Variants in IGSF21 observed in about 807,000 individuals in gnomAD.
IGSF21 encodes immunoglobin superfamily member 21, also known as immunoglobulin superfamily member 21.
A neutral mutation model predicts 46.8 loss-of-function variants in IGSF21; 28 were observed. The observed-to-expected ratio is 0.60, with a 90% CI of 0.44 to 0.82. The LOEUF (loss-of-function observed/expected upper bound fraction) is 0.82, where lower values mean the gene tolerates loss of function less well. Ranked by LOEUF, IGSF21 falls within the 40% of genes least tolerant of loss-of-function variation. IGSF21 has a pLI of 0.00. For missense variants in IGSF21, 624 were observed against 665.5 expected (o/e 0.94, Z 0.69); for synonymous variants, 284 against 273.6 (o/e 1.04, Z -0.38).
At chr1:18,374,453 G>A (rs982519711) in intron 6 of IGSF21, among the ~76,000 whole-genome samples, 14 of 152,132 alleles carry the variant, frequency 9.2e-5, no homozygotes, top group African/African-American at 1.7e-4. Flanking sequence ...TTGGGAATGC[G>A]AAGGGGAGCC....
chr1:18,315,286 C>T (rs543171708), intron 3 of IGSF21, among the ~76,000 whole-genome samples: 14 of 152,258 alleles, frequency 9.2e-5, no homozygotes, highest in South Asian at 6.2e-4. Context: ...CTTTTCCTGA[C>T]GTTCTAGTAT....
At chr1:18,151,341 T>A (rs547613253) in intron 1 of IGSF21, among the ~76,000 whole-genome samples, 4 of 152,198 alleles carry the variant, frequency 2.6e-5, no homozygotes, top group Non-Finnish European at 5.9e-5. Context: ...AGCACTCACA[T>A]CCAGGCAATG....
At chr1:18,338,205 C>T (rs1283601815) in intron 4 of IGSF21, among the ~76,000 whole-genome samples, 1 of 152,172 alleles carries the variant, frequency 6.6e-6, no homozygotes, top group Non-Finnish European at 1.5e-5. Flanking sequence ...AATAGTATCT[C>T]TTAATGACAA....
Position 18,378,046 on chromosome 1 carries a change from G to A in IGSF21, c.1334-210G>A, listed in dbSNP as rs1394796064. Among the ~76,000 whole-genome samples, 10 of 152,166 alleles carry A rather than the reference G, an allele frequency of 6.6e-5. No homozygotes were observed. The South Asian group carries it at 1.9e-3, about 28-fold the overall frequency. ...TGGTCCTCACTGCACCATCCTCATG[G>A]CCTCTAGGAAATCTGACCGTAGCCC... On this transcript the variant is annotated intron_variant, in intron 9 of 9. Transcript: ENST00000251296.
In IGSF21 at chr1:18,235,627, G is replaced by A. The variant is rs574505180; in HGVS notation, c.183+7617G>A. ...CAAATAACAGAAAGTGCATGTGGCT[G>A]GAACAAAACGAATAGGGGGTGATGT... On this transcript the variant is annotated intron_variant, in intron 2 of 9. Transcript: ENST00000251296. 1.4e-3 allele frequency among the ~76,000 whole-genome samples: 208 copies of A among 152,304 alleles called. 1 individual carries two copies. Among genetic ancestry groups the A allele is most frequent in the Admixed American group, 2.4e-3 (36 of 15,298 alleles).
intron 4 of IGSF21, among the ~76,000 whole-genome samples, chr1:18,353,446 G>A (rs1326880177): frequency 1.3e-5 from 2 of 152,120 alleles, no homozygotes; most frequent in African/African-American, 4.8e-5. Flanking sequence ...AGGCTCTTGG[G>A]TGCGGCCGCA....
chr1:18,246,365 G>A (rs565133400), intron 2 of IGSF21, among the ~76,000 whole-genome samples: 22 of 152,108 alleles, frequency 1.4e-4, no homozygotes, highest in African/African-American at 2.9e-4. Flanking sequence ...TAATTACTCC[G>A]TCTCATCACT....
chr1:18,251,351 A>T (rs2084839739), intron 2 of IGSF21, among the ~76,000 whole-genome samples: 1 of 152,202 alleles, frequency 6.6e-6, no homozygotes, highest in Non-Finnish European at 1.5e-5. Flanking sequence ...CCACTAACAA[A>T]ATAATCCTCA....
intron 1 of IGSF21, among the ~76,000 whole-genome samples, chr1:18,162,032 T>C (rs1399274649): frequency 6.6e-6 from 1 of 152,226 alleles, no homozygotes; most frequent in Non-Finnish European, 1.5e-5. Context: ...TCTTTCTTTC[T>C]TTTTCCTTTT....
At chr1:18,249,576 A>T (rs994174951) in intron 2 of IGSF21, among the ~76,000 whole-genome samples, 2 of 152,130 alleles carry the variant, frequency 1.3e-5, no homozygotes, top group African/African-American at 4.8e-5. Flanking sequence ...GCACAGTTAG[A>T]TGGCCGCCCT....
intron 2 of IGSF21, among the ~76,000 whole-genome samples, chr1:18,277,931 G>C (rs974272121): frequency 6.6e-6 from 1 of 152,328 alleles, no homozygotes; most frequent in South Asian, 2.1e-4. Context: ...ATCCTGAGAA[G>C]GGCTCAGCTT....
At chr1:18,311,709 G>C (rs1302846328) in intron 3 of IGSF21, among the ~76,000 whole-genome samples, 2 of 152,218 alleles carry the variant, frequency 1.3e-5, no homozygotes, top group Non-Finnish European at 2.9e-5. Flanking sequence ...ATGGCAGAAG[G>C]CTAAAGGCAC....
intron 2 of IGSF21, among the ~76,000 whole-genome samples, chr1:18,246,248 C>G (rs2084782242): frequency 6.6e-6 from 1 of 151,300 alleles, no homozygotes; most frequent in South Asian, 2.1e-4. Flanking sequence ...CACTAAGAGG[C>G]TGATGGCATC....
At chr1:18,353,432 T>C (rs997355880) in intron 4 of IGSF21, among the ~76,000 whole-genome samples, 1 of 152,110 alleles carries the variant, frequency 6.6e-6, no homozygotes, top group Non-Finnish European at 1.5e-5. Flanking sequence ...AATCCTGGTG[T>C]GCCAGGCTCT....
chr1:18,140,307 A>G (rs2086403859), intron 1 of IGSF21, among the ~76,000 whole-genome samples: 1 of 152,182 alleles, frequency 6.6e-6, no homozygotes, highest in African/African-American at 2.4e-5. Context: ...GTGGAGTTCT[A>G]GTTGCCTGCA....
At chr1:18,286,701 G>A (rs2085215213) in intron 2 of IGSF21, among the ~76,000 whole-genome samples, 1 of 152,218 alleles carries the variant, frequency 6.6e-6, no homozygotes, top group Non-Finnish European at 1.5e-5. Flanking sequence ...ACAGCAGGCT[G>A]TCCTGGGGCC....
intron 3 of IGSF21, among the ~76,000 whole-genome samples, chr1:18,313,597 C>T (rs755847624): frequency 6.6e-5 from 10 of 152,162 alleles, no homozygotes; most frequent in Non-Finnish European, 1.3e-4. Context: ...TTTCTGAATA[C>T]CTGCTGTGAG....
intron 2 of IGSF21, among the ~76,000 whole-genome samples, chr1:18,233,086 GC>G (rs2084643066): frequency 6.6e-6 from 1 of 152,186 alleles, no homozygotes; most frequent in South Asian, 2.1e-4. Context: ...ACCTTTTACA[GC>G]AGTTTTTATC....
At chr1:18,191,174 C>G (rs1570319576) in intron 1 of IGSF21, among the ~76,000 whole-genome samples, 1 of 152,202 alleles carries the variant, frequency 6.6e-6, no homozygotes, top group African/African-American at 2.4e-5. Context: ...GTGCCAGGCC[C>G]TCTGCTAGGC....
Sources: gnomAD v4.1 joint callset for allele counts (sites outside exome capture counted in the v4.1 genomes callset) on GRCh38, gnomAD v4.1.1 for gene constraint, MANE v1.5 for transcripts, NCBI Gene and HGNC (gene_info 2026-07-23, HGNC 2026-07-21) for gene names.